Variants in PCNX2 observed in about 807,000 individuals in gnomAD.
The protein encoded by PCNX2 is pecanex 2, also known as pecanex-like protein 2.
Under a neutral mutation model 223.8 loss-of-function variants are expected in PCNX2, and 168 were observed. That is an observed-to-expected ratio of 0.75 (90% confidence interval 0.66 to 0.85). The LOEUF is 0.85. Ranked by LOEUF, PCNX2 falls within the 40% of genes least tolerant of loss-of-function variation. The probability of loss-of-function intolerance (pLI) is 0.00; values close to 1 mark genes in which losing one functional copy is unlikely to be tolerated. For missense variants in PCNX2, 2,507 were observed against 2,675.5 expected (o/e 0.94, Z 1.39); for synonymous variants, 1,006 against 1,052.6 (o/e 0.96, Z 0.86).
intron 9 of PCNX2, 26 bp downstream of exon 9, chr1:233,236,819 A>C (rs769485438): frequency 1.2e-6 from 2 of 1,604,338 alleles, no homozygotes; most frequent in Non-Finnish European, 1.7e-6. Flanking sequence ...GAACATCCAC[A>C]AACAGCAATT....
At chr1:233,321,245 A>T in the PCNX2 span, among the ~76,000 whole-genome samples, 3 of 152,034 alleles carry the variant, frequency 2.0e-5, no homozygotes, top group South Asian at 2.1e-4. Context: ...GTGTTCCATT[A>T]AAAAAGCAGG....
At chr1:233,084,907 A>C (rs1673525857) in intron 23 of PCNX2, among the ~76,000 whole-genome samples, 1 of 152,232 alleles carries the variant, frequency 6.6e-6, no homozygotes, top group Admixed American at 6.5e-5. Context: ...GAGCTCATCA[A>C]GACAGATTTT....
intron 32 of PCNX2, among the ~76,000 whole-genome samples, chr1:232,992,066 A>T (rs903458641): frequency 1.3e-5 from 2 of 152,258 alleles, no homozygotes; most frequent in African/African-American, 4.8e-5. Flanking sequence ...AAAAAGCAAG[A>T]GAGATGATAG....
At chr1:233,276,178 T>C (rs1660902106) in intron 1 of PCNX2, among the ~76,000 whole-genome samples, 1 of 152,232 alleles carries the variant, frequency 6.6e-6, no homozygotes, top group Non-Finnish European at 1.5e-5. Flanking sequence ...ACAACATGAA[T>C]GAACCTTGAG....
intron 23 of PCNX2, among the ~76,000 whole-genome samples, chr1:233,071,919 C>T (rs976168034): frequency 1.3e-5 from 2 of 152,162 alleles, no homozygotes; most frequent in East Asian, 3.8e-4. Context: ...TTTCTTTTAT[C>T]ATACGCTTGG....
At position 233,139,910 on chromosome 1, in the gene PCNX2, T is replaced by C; in HGVS notation, c.3518-55A>G. Reference sequence around the variant, plus strand: ...AACCACCGATCAAAGTATTTTTCTTTAAGTACAGGTAATAATAAGTAATAT... The same window carrying C: ...AACCACCGATCAAAGTATTTTTCTTCAAGTACAGGTAATAATAAGTAATAT... On this transcript the variant is annotated intron_variant, in intron 19 of 33. Transcript: ENST00000258229. This position sits in a 1 kb window ranked among gnomAD's most constrained non-coding sequence, Gnocchi z 4.4. 1 of 1,568,068 alleles carries C rather than the reference T, an allele frequency of 6.4e-7. No individual in the cohort carries two copies. Among genetic ancestry groups the C allele is most frequent in the Non-Finnish European group, 8.7e-7 (1 of 1,155,982 alleles).
At position 233,295,629 on chromosome 1, in the gene PCNX2, C is replaced by G; in HGVS notation, c.-151G>C. On this transcript the variant is annotated 5_prime_UTR_variant, in exon 1 of 34. Coordinates refer to ENST00000258229, the MANE Select transcript of PCNX2 (RefSeq NM_014801.4). The surrounding 1 kb of genome is among the most constrained non-coding windows in gnomAD (Gnocchi z 4.1). ...GCCCCCGCCGCCTCCTTCCACCCCA[C>G]GTTTGAAGCTGGAGCTGCTCTTCCG... is the stretch of plus-strand genomic sequence containing the variant. The G allele has an allele frequency of 1.2e-5, 10 of 848,406 alleles. No homozygotes were observed. Among genetic ancestry groups the G allele is most frequent in the Non-Finnish European group, 1.6e-5 (10 of 632,266 alleles). 52.6% of individuals were successfully genotyped at this position (848,406 alleles called of 1,614,324 possible).
chr1:233,063,763 T>C (rs1672491149), intron 23 of PCNX2, among the ~76,000 whole-genome samples: 1 of 152,202 alleles, frequency 6.6e-6, no homozygotes, highest in South Asian at 2.1e-4. Context: ...ACTTCTAGAC[T>C]TCTAGTTGAC....
At chr1:233,225,493 AGGATCTAT>A (rs1377057635) in intron 10 of PCNX2, among the ~76,000 whole-genome samples, 1 of 152,204 alleles carries the variant, frequency 6.6e-6, no homozygotes, top group Admixed American at 6.5e-5. Context: ...AACCAGCTGA[AGGATCTAT>A]GGATAAGGGA....
chr1:233,198,646 T>C (rs1344452561), intron 15 of PCNX2, among the ~76,000 whole-genome samples: 6 of 152,206 alleles, frequency 3.9e-5, no homozygotes, highest in African/African-American at 9.7e-5. Flanking sequence ...ATGGGTTCCA[T>C]TGACCAACAT....
chr1:233,289,027 C>T (rs1006444273), intron 1 of PCNX2: 1 of 1,360,470 alleles, frequency 7.4e-7, no homozygotes, highest in Admixed American at 1.7e-5. Flanking sequence ...ATTCTCTTGC[C>T]CACAATTTTG....
At chr1:233,128,657 T>C (rs1197349359) in intron 21 of PCNX2, among the ~76,000 whole-genome samples, 1 of 152,178 alleles carries the variant, frequency 6.6e-6, no homozygotes, top group Non-Finnish European at 1.5e-5. Flanking sequence ...TAAGAACTTT[T>C]TCAGGGCCAG....
chr1:233,196,706 T>C (rs1422038612), intron 15 of PCNX2, among the ~76,000 whole-genome samples: 1 of 152,136 alleles, frequency 6.6e-6, no homozygotes, highest in Non-Finnish European at 1.5e-5. Flanking sequence ...CAGTACTAAC[T>C]GTCAGCAAGA....
chr1:233,195,685 C>A (rs535109047), intron 15 of PCNX2, among the ~76,000 whole-genome samples: 79 of 152,218 alleles, frequency 5.2e-4, no homozygotes, highest in Admixed American at 2.0e-3. Flanking sequence ...TTATAAAACA[C>A]AATGCCATTT....
At position 233,272,638 on chromosome 1, in the gene PCNX2, A is replaced by G. The variant is rs542476155; in HGVS notation, c.154-9475T>C. Among the ~76,000 whole-genome samples, 277 of 152,372 alleles carry G rather than the reference A, an allele frequency of 1.8e-3. 1 individual carries two copies. Among genetic ancestry groups the G allele is most frequent in the Non-Finnish European group, 3.1e-3 (213 of 68,034 alleles). The stretch of plus-strand genomic sequence containing the variant: ...TACCATTTGATCCAGCAGTCCCACT[A>G]CTGGGTATCTAGCCAGAGGAAAAGA... On this transcript the variant is annotated intron_variant, in intron 1 of 33. Coordinates refer to ENST00000258229, the MANE Select transcript of PCNX2 (RefSeq NM_014801.4).
chr1:233,116,596 G>C (rs1485777914), intron 21 of PCNX2, among the ~76,000 whole-genome samples: 1 of 152,086 alleles, frequency 6.6e-6, no homozygotes, highest in Non-Finnish European at 1.5e-5. Context: ...AAAATACATT[G>C]AATTGAATGA....
chr1:233,063,377 AAGAG>A (rs1672475686), intron 23 of PCNX2, among the ~76,000 whole-genome samples: 1 of 152,186 alleles, frequency 6.6e-6, no homozygotes, highest in South Asian at 2.1e-4. Context: ...GTAAAGGAGA[AAGAG>A]AGGCAGGGAG....
intron 23 of PCNX2, among the ~76,000 whole-genome samples, chr1:233,070,524 TG>T: frequency 6.6e-6 from 1 of 152,142 alleles, no homozygotes; most frequent in Admixed American, 6.5e-5. Context: ...CATGACAATG[TG>T]GGTTTATTCC....
At chr1:233,219,117 G>T (rs899188148) in intron 10 of PCNX2, among the ~76,000 whole-genome samples, 1 of 152,088 alleles carries the variant, frequency 6.6e-6, no homozygotes, top group Admixed American at 6.5e-5. Flanking sequence ...TCATCCAGAG[G>T]TGGAGTGTTA....
Sources: gnomAD v4.1 joint callset for allele counts (sites outside exome capture counted in the v4.1 genomes callset) on GRCh38, gnomAD v4.1.1 for gene constraint, Gnocchi (gnomAD v3.1) non-coding constraint, MANE v1.5 for transcripts, NCBI Gene and HGNC (gene_info 2026-07-23, HGNC 2026-07-21) for gene names.